VPS13C: variants seen among roughly 807,000 people sequenced by gnomAD.
VPS13C encodes the protein vacuolar protein sorting 13 homolog C, also known as intermembrane lipid transfer protein VPS13C.
Under a neutral mutation model 456.8 loss-of-function variants are expected in VPS13C, and 358 were observed. The observed-to-expected ratio is 0.78, with a 90% CI of 0.72 to 0.86. The LOEUF is 0.86. VPS13C is among the 40% of genes least tolerant of loss of function. The probability of loss-of-function intolerance (pLI) is 0.00; values close to 1 mark genes in which losing one functional copy is unlikely to be tolerated. For missense variants in VPS13C, 4,818 were observed against 4,385.4 expected, an observed-to-expected ratio of 1.10 and a Z score of -2.79; for synonymous variants, 1,578 against 1,486.7, an observed-to-expected ratio of 1.06 and a Z score of -1.41.
rs760978728 is a variant in VPS13C at position 61,964,790 on chromosome 15, G to A, written c.3123C>T (p.Thr1041=). 20 of 1,612,462 alleles carry A rather than the reference G, an allele frequency of 1.2e-5. No individual in the cohort carries two copies. The South Asian group carries it at 2.1e-4, about 17-fold the overall frequency. Residue 1041 remains threonine, a synonymous_variant, in exon 31 of 85, where the codon ACC becomes ACT. Transcript: ENST00000644861. The part of the protein sequence containing the change: ...ALVASINYLT[T]IIPSDDQSIS... Reference sequence around the variant, plus strand: ...TGCTTTGATCATCAGATGGAATAATGGTTGTGAGGTAATTAATAGAAGCGA... The same window carrying A: ...TGCTTTGATCATCAGATGGAATAATAGTTGTGAGGTAATTAATAGAAGCGA...
At chr15:61,869,696 G>A (rs1894870203) in intron 79 of VPS13C, 73 bp from the exon 80 acceptor site, 1 of 1,592,600 alleles carries the variant, frequency 6.3e-7, no homozygotes, top group Non-Finnish European at 8.6e-7. Context: ...ACCAAAACCT[G>A]GGCCAGATAC....
intron 67 of VPS13C, among the ~76,000 whole-genome samples, chr15:61,884,734 T>G (rs1896144167): frequency 6.6e-6 from 1 of 152,130 alleles, no homozygotes; most frequent in Non-Finnish European, 1.5e-5. Context: ...TAGTGTTATT[T>G]ATTACCAAAA....
intron 66 of VPS13C, among the ~76,000 whole-genome samples, chr15:61,897,611 T>C (rs28808151): frequency 1.3e-5 from 2 of 152,004 alleles, no homozygotes; most frequent in African/African-American, 2.4e-5. Context: ...GTGAAAAGAC[T>C]AAATCTACGT....
At chr15:62,056,488 C>T (rs1275830172) in intron 1 of VPS13C, among the ~76,000 whole-genome samples, 4 of 152,194 alleles carry the variant, frequency 2.6e-5, no homozygotes, top group East Asian at 1.9e-4. Context: ...TCTAGGAAGA[C>T]GCCCGTTGCC....
At position 62,011,378 on chromosome 15, in the gene VPS13C, A is replaced by T. The variant is rs1005965630; in HGVS notation, c.883+729T>A. 2.0e-5 allele frequency among the ~76,000 whole-genome samples: 3 copies of T among 152,078 alleles called. No individual in the cohort carries two copies. The South Asian group carries it at 6.2e-4, about 32-fold the overall frequency. Reference sequence around the variant, plus strand: ...TTAATGAACCTAAATGATTTCACAAACTAGCAGCACTTGAAAGTTTTATCA... The same window carrying T: ...TTAATGAACCTAAATGATTTCACAATCTAGCAGCACTTGAAAGTTTTATCA... On this transcript the variant is annotated intron_variant, in intron 12 of 84. Transcript: ENST00000644861.
Position 61,919,369 on chromosome 15 carries a change from C to T in VPS13C, c.7558G>A (p.Ala2520Thr), listed in dbSNP as rs2043574912. 1.2e-6 allele frequency: 2 copies of T among 1,604,514 alleles called. No individual in the cohort carries two copies. Among genetic ancestry groups the T allele is most frequent in the African/African-American group, 2.7e-5 (2 of 74,410 alleles). The stretch of plus-strand genomic sequence containing the variant: ...ACCAAGACAGAGTCAGAATGACTGG[C>T]ATTGGGATTCCGTACATTATACAAT... The part of the protein sequence containing the change: ...RRLYNVRNPN[A>T]SHSDSVLVQI... Residue 2520 changes from alanine (A) to threonine (T), a missense_variant, in exon 58 of 85, where the codon GCC becomes ACC. This residue lies in a region of VPS13C where 4,552 missense variants were observed against 4,130.6 expected (regional missense o/e 1.10). Transcript: ENST00000644861.
At chr15:61,914,385 A>G (rs2043397311) in intron 61 of VPS13C, among the ~76,000 whole-genome samples, 1 of 151,906 alleles carries the variant, frequency 6.6e-6, no homozygotes, top group Admixed American at 6.6e-5. Context: ...ACTGGCCAAC[A>G]TGGTGAAATC....
chr15:61,923,959 G>A (rs868817707), intron 53 of VPS13C, among the ~76,000 whole-genome samples: 4 of 132,580 alleles, frequency 3.0e-5, no homozygotes, highest in Non-Finnish European at 6.2e-5. Flanking sequence ...TCCGCCTCCC[G>A]GGTTCACGCC....
intron 82 of VPS13C, among the ~76,000 whole-genome samples, chr15:61,859,609 T>C (rs1566951515): frequency 6.6e-6 from 1 of 152,116 alleles, no homozygotes; most frequent in Non-Finnish European, 1.5e-5. Context: ...GCTCAAGCAC[T>C]CCCTCATCTA....
chr15:61,894,322 A>C (rs957496749), intron 66 of VPS13C, among the ~76,000 whole-genome samples: 2 of 135,492 alleles, frequency 1.5e-5, no homozygotes, highest in Non-Finnish European at 3.1e-5. Flanking sequence ...CAAAAAGCAG[A>C]AAAAAAAAAA....
intron 37 of VPS13C, among the ~76,000 whole-genome samples, chr15:61,956,011 C>G (rs975790885): frequency 2.0e-5 from 3 of 151,982 alleles, no homozygotes; most frequent in Non-Finnish European, 4.4e-5. Context: ...TCTACCAAAA[C>G]GACCACATGC....
chr15:61,985,967 G>A (rs1220260269), intron 18 of VPS13C, among the ~76,000 whole-genome samples: 3 of 151,874 alleles, frequency 2.0e-5, no homozygotes, highest in Non-Finnish European at 4.4e-5. Flanking sequence ...GGACCCTAAA[G>A]GGCTATATAT....
At chr15:61,907,084 C>G (rs1251621864) in intron 66 of VPS13C, 180 bp downstream of exon 66, 1 of 715,560 alleles carries the variant, frequency 1.4e-6, no homozygotes, top group Non-Finnish European at 2.3e-6. Context: ...TTTGATAGAG[C>G]TAAGGTAATA....
rs1452276379 is a variant in VPS13C, at chr15:61,915,689, A to G, written c.8389T>C (p.Phe2797Leu). 6.8e-6 allele frequency: 11 copies of G among 1,607,258 alleles called. No homozygotes were observed. The highest frequency in any genetic ancestry group is 9.3e-6 in the Non-Finnish European group (11 of 1,178,580). ...EDIHVKHPAD[F>L]RDIILFSFKK... Reference sequence around the variant, plus strand: ...AAAGAAAATAAAATAATATCCCTGAAATCAGCTGGATGTTTCACATGAATA... The same window carrying G: ...AAAGAAAATAAAATAATATCCCTGAGATCAGCTGGATGTTTCACATGAATA... Residue 2797 changes from phenylalanine (F) to leucine (L), a missense_variant, in exon 61 of 85, where the codon TTC becomes CTC. By Grantham distance (22) the Phe-to-Leu change is conservative (BLOSUM62 0). Around this residue, in one of 3 missense-constraint regions of VPS13C, gnomAD observed 4,552 missense variants for 4,130.6 expected, o/e 1.10. Coordinates refer to ENST00000644861, the MANE Select transcript of VPS13C (RefSeq NM_020821.3).
intron 81 of VPS13C, chr15:61,864,614 T>C (rs947117268): frequency 1.7e-4 from 169 of 984,078 alleles, no homozygotes; most frequent in Non-Finnish European, 1.9e-4. Context: ...AATGCTTAAA[T>C]ATACATTTTT....
chr15:61,999,905 A>T (rs1176426337), intron 16 of VPS13C, among the ~76,000 whole-genome samples: 1 of 35,946 alleles, frequency 2.8e-5, no homozygotes, highest in Non-Finnish European at 7.1e-5. Context: ...AAGAAAAAGT[A>T]AAAAAAAAAA....
At chr15:61,998,291 C>A (rs1478148057) in intron 16 of VPS13C, among the ~76,000 whole-genome samples, 1 of 152,160 alleles carries the variant, frequency 6.6e-6, no homozygotes, top group Non-Finnish European at 1.5e-5. Context: ...AAATCATCAT[C>A]ACTGACTAGC....
chr15:61,969,642 A>C (rs1292947822), intron 27 of VPS13C, among the ~76,000 whole-genome samples, 190 bp from the exon 28 acceptor site: 2 of 152,170 alleles, frequency 1.3e-5, no homozygotes, highest in Non-Finnish European at 2.9e-5. Context: ...ATATAAATAC[A>C]TTTATAAAAA....
chr15:61,875,060 A>C, intron 76 of VPS13C, 109 bp from the exon 77 acceptor site: 1 of 949,278 alleles, frequency 1.1e-6, no homozygotes, highest in Non-Finnish European at 1.4e-6. Context: ...AAAAATCCAT[A>C]AACATTGTGA....
Sources: allele counts gnomAD v4.1 joint callset (sites outside exome capture counted in the v4.1 genomes callset), GRCh38; gene constraint gnomAD v4.1.1; regional missense constraint gnomAD v4.1.1; transcripts MANE v1.5; gene names NCBI Gene and HGNC (gene_info 2026-07-23, HGNC 2026-07-21).